Variants in AGO4 observed in about 807,000 individuals in gnomAD.
The protein encoded by AGO4 is protein argonaute-4.
In AGO4, 33 loss-of-function variants were observed where a neutral mutation model predicts 104.7. The ratio of observed to expected loss-of-function variants is 0.32; its 90% CI spans 0.24 to 0.42. The LOEUF (loss-of-function observed/expected upper bound fraction) is 0.42. AGO4 is among the 10% of genes least tolerant of loss of function. The pLI, the probability that AGO4 is intolerant of heterozygous loss-of-function variation, is 1.00. For missense variants in AGO4, 711 were observed against 1,083.4 expected (o/e 0.66, Z 4.83); for synonymous variants, 331 against 364.7 (o/e 0.91, Z 1.05).
chr1:35,826,771 T>C lies in AGO4; in HGVS notation c.784T>C (p.Cys262Arg). 1 of 1,614,186 alleles carries C rather than the reference T, an allele frequency of 6.2e-7. No individual in the cohort carries two copies. The highest frequency in any genetic ancestry group is 2.2e-5 in the East Asian group (1 of 44,884). The stretch of plus-strand genomic sequence containing the variant: ...AGGTCTCAAAGTTGAGGTGACCCAC[T>C]GTGGACAGATGAAACGAAAATACCG... ...IRGLKVEVTH[C>R]GQMKRKYRVC... The change falls in exon 7 of 18, where the codon TGT becomes CGT. Residue 262 changes from cysteine (C) to arginine (R), a missense_variant. Coordinates refer to ENST00000373210, the MANE Select transcript of AGO4 (RefSeq NM_017629.4).
chr1:35,838,433 C>T (rs759254044), intron 13 of AGO4, among the ~76,000 whole-genome samples: 1 of 152,058 alleles, frequency 6.6e-6, no homozygotes, highest in African/African-American at 2.4e-5. Flanking sequence ...GTGATCCTTC[C>T]ACCTTGGCCT....
intron 8 of AGO4, 56 bp from the exon 9 acceptor site, chr1:35,831,756 A>G (rs1029865923): frequency 2.5e-6 from 4 of 1,596,800 alleles, no homozygotes; most frequent in Non-Finnish European, 3.4e-6. Flanking sequence ...TGGTTTGGCA[A>G]AGGTTTAAGA....
At position 35,842,160 on chromosome 1, in the gene AGO4, C is replaced by T. The variant is rs141294310; in HGVS notation, c.2175+410C>T. On this transcript the variant is annotated intron_variant, in intron 15 of 17. Coordinates refer to ENST00000373210, the MANE Select transcript of AGO4 (RefSeq NM_017629.4). ...TTATATCCGCATAGGACACGGGTCC[C>T]CAACCCCCAGACTGTGGACTGGTAA... is the stretch of plus-strand genomic sequence containing the variant. Among the ~76,000 whole-genome samples, 557 of 152,166 alleles carry T rather than the reference C, an allele frequency of 3.7e-3. 6 individuals are homozygous for T. The highest frequency in any genetic ancestry group is 0.013 in the African/African-American group (536 of 41,512).
chr1:35,846,533 C>T (rs1571308824), intron 15 of AGO4, among the ~76,000 whole-genome samples: 1 of 151,426 alleles, frequency 6.6e-6, no homozygotes, highest in Admixed American at 6.6e-5. Flanking sequence ...GGAGGTGGAG[C>T]TTGCAGTGAG....
chr1:35,850,765 A>AGT (rs1241775080), intron 16 of AGO4, 89 bp from the exon 17 acceptor site: 2 of 966,706 alleles, frequency 2.1e-6, no homozygotes, highest in East Asian at 5.6e-5. Flanking sequence ...TAGGTGACAG[A>AGT]GTGAGACTCC....
intron 2 of AGO4, 118 bp from the exon 3 acceptor site, chr1:35,822,744 A>C: frequency 1.5e-6 from 2 of 1,299,258 alleles, no homozygotes; most frequent in Non-Finnish European, 2.1e-6. Flanking sequence ...TTGTAACCTT[A>C]ACTCTTACTT....
intron 2 of AGO4, among the ~76,000 whole-genome samples, chr1:35,818,625 A>AAAAGAAAAAGAAAGAAAG (rs1643790001): frequency 7.9e-6 from 1 of 126,018 alleles, no homozygotes; most frequent in African/African-American, 3.3e-5. Context: ...CTCTGTCTCA[A>AAAAGAAAAAGAAAGAAAG]AAAGAAAGAA....
At chr1:35,828,487 C>T (rs1644090343) in intron 7 of AGO4, among the ~76,000 whole-genome samples, 1 of 151,978 alleles carries the variant, frequency 6.6e-6, no homozygotes, top group African/African-American at 2.4e-5. Context: ...TACTCCTTTC[C>T]ATTTCCCCAA....
intron 1 of AGO4, among the ~76,000 whole-genome samples, chr1:35,813,408 C>CAA (rs1416471543): frequency 1.7e-5 from 2 of 116,192 alleles, no homozygotes; most frequent in Non-Finnish European, 1.8e-5. Flanking sequence ...GACTCCATCT[C>CAA]AAAAAAAAAA....
In AGO4 at chr1:35,851,109, A is replaced by T. The variant is rs142891811; in HGVS notation, c.2477+56A>T. On this transcript the variant is annotated intron_variant, in intron 17 of 17. Transcript: ENST00000373210. ...TATATTTTAGTAGCATGTTAAAAAAAATGAGCTACAATAGAAAACTTTTTT... is the reference window on the plus strand; with the variant it reads ...TATATTTTAGTAGCATGTTAAAAAATATGAGCTACAATAGAAAACTTTTTT... 215 of 1,499,434 alleles carry T rather than the reference A, an allele frequency of 1.4e-4. No individual in the cohort carries two copies. The African/African-American group carries it at 2.7e-3, about 19-fold the overall frequency. 92.9% of individuals were successfully genotyped at this position (1,499,434 alleles called of 1,614,324 possible). A position where few individuals can be genotyped will look rare whatever the true frequency, so the allele number is the denominator to read the frequency against.
chr1:35,811,333 T>A (rs1471780010), intron 1 of AGO4, among the ~76,000 whole-genome samples: 1 of 151,290 alleles, frequency 6.6e-6, no homozygotes, highest in East Asian at 2.0e-4. Flanking sequence ...ATTAGATGGG[T>A]GTGGTGGTGT....
chr1:35,820,747 A>G (rs1643872400), intron 2 of AGO4, among the ~76,000 whole-genome samples: 3 of 152,170 alleles, frequency 2.0e-5, no homozygotes, highest in Admixed American at 2.0e-4. Context: ...GAAAAATTTC[A>G]TGATTTAGGA....
rs1644777366 is a variant in AGO4, at chr1:35,854,492, A to G, written c.*887A>G. ...TTCTCATAGAAACTTAACTTTGGCAATAAACATTTTTTAAGGTCTCTCCTC... is the reference window on the plus strand; with the variant it reads ...TTCTCATAGAAACTTAACTTTGGCAGTAAACATTTTTTAAGGTCTCTCCTC... On this transcript the variant is annotated 3_prime_UTR_variant, in exon 18 of 18. Coordinates refer to ENST00000373210, the MANE Select transcript of AGO4 (RefSeq NM_017629.4). The G allele has an allele frequency of 6.5e-6, 1 of 152,692 alleles. No individual in the cohort carries two copies. Among genetic ancestry groups the G allele is most frequent in the African/African-American group, 2.4e-5 (1 of 41,472 alleles). 9.5% of individuals were successfully genotyped at this position (152,692 alleles called of 1,614,324 possible).
chr1:35,836,282 G>A (rs947794028), intron 13 of AGO4, among the ~76,000 whole-genome samples: 50 of 152,200 alleles, frequency 3.3e-4, no homozygotes, highest in Non-Finnish European at 1.9e-4. Flanking sequence ...GAATCATGCA[G>A]GATGTACTAT....
Position 35,822,901 on chromosome 1 carries a change from A to G in AGO4, c.225A>G (p.Gln75=), listed in dbSNP as rs771265165. The G allele has an allele frequency of 2.5e-5, 40 of 1,614,024 alleles. No homozygotes were observed. Among genetic ancestry groups the G allele is most frequent in the Non-Finnish European group, 3.1e-5 (36 of 1,180,022 alleles). Residue 75 remains glutamine (Q), a synonymous_variant, in exon 3 of 18, where the codon CAA becomes CAG. Transcript: ENST00000373210. ...CAATGGTGCGGCACTTCAAGATGCAAATATTTGGTGATCGGCAGCCTGGGT... is the reference window on the plus strand; with the variant it reads ...CAATGGTGCGGCACTTCAAGATGCAGATATTTGGTGATCGGCAGCCTGGGT... ...VDTMVRHFKM[Q]IFGDRQPGYD...
chr1:35,821,434 A>C (rs1156445942), intron 2 of AGO4, among the ~76,000 whole-genome samples: 1 of 152,218 alleles, frequency 6.6e-6, no homozygotes, highest in African/African-American at 2.4e-5. Flanking sequence ...AACGTTGCTA[A>C]GTTAAAGCAC....
rs145706809 is a variant in AGO4 at position 35,834,316 on chromosome 1, T to C, written c.1564+142T>C. On this transcript the variant is annotated intron_variant, in intron 12 of 17. Coordinates refer to ENST00000373210, the MANE Select transcript of AGO4 (RefSeq NM_017629.4). ...AAAGATTTGTTTCTTGCTCCTGTTATGCATCCACTGAAGGTAGACTGCGGC... is the reference window on the plus strand; with the variant it reads ...AAAGATTTGTTTCTTGCTCCTGTTACGCATCCACTGAAGGTAGACTGCGGC... The C allele has an allele frequency of 8.5e-6, 6 of 704,184 alleles. No individual in the cohort carries two copies. The East Asian group carries it at 2.0e-4, about 24-fold the overall frequency. The allele number at this position is 704,184 out of a possible 1,614,324, so 43.6% of individuals were successfully genotyped here.
intron 7 of AGO4, among the ~76,000 whole-genome samples, chr1:35,828,596 T>G (rs1010449209): frequency 6.6e-6 from 1 of 152,182 alleles, no homozygotes; most frequent in Non-Finnish European, 1.5e-5. Context: ...CTCTGCTCAC[T>G]GCAACCTCCA....
Position 35,849,679 on chromosome 1 carries a change from G to T in AGO4, c.2176-478G>T, listed in dbSNP as rs577798449. Reference sequence around the variant, plus strand: ...TCCAGCCTGGGTGACAGAGTGAGACGCTGTCTCAAAAAAAAAAAAAAAAAA... The same window carrying T: ...TCCAGCCTGGGTGACAGAGTGAGACTCTGTCTCAAAAAAAAAAAAAAAAAA... On this transcript the variant is annotated intron_variant, in intron 15 of 17. Transcript: ENST00000373210. Among the ~76,000 whole-genome samples the T allele has an allele frequency of 1.4e-4, 20 of 138,574 alleles. No individual in the cohort carries two copies. In the South Asian group the frequency reaches 4.4e-3, roughly 31 times the overall value. 90.9% of individuals were successfully genotyped at this position (138,574 alleles called of 152,430 possible).
Sources: allele counts gnomAD v4.1 joint callset (sites outside exome capture counted in the v4.1 genomes callset), GRCh38; gene constraint gnomAD v4.1.1; transcripts MANE v1.5; gene names NCBI Gene and HGNC (gene_info 2026-07-23, HGNC 2026-07-21).